GPM6A: variants seen among roughly 807,000 people sequenced by gnomAD.
GPM6A encodes the protein glycoprotein M6A, also known as neuronal membrane glycoprotein M6-a.
GPM6A carries 7 observed loss-of-function variants against 32.1 expected under a neutral mutation model. The observed-to-expected ratio is 0.22, with a 90% confidence interval of 0.12 to 0.41. The LOEUF is 0.41. Ranked by LOEUF, GPM6A falls within the 10% of genes least tolerant of loss-of-function variation. The pLI, the probability that GPM6A is intolerant of heterozygous loss-of-function variation, is 1.00. For missense variants in GPM6A, 235 were observed against 347.2 expected (o/e 0.68, Z 2.57); for synonymous variants, 130 against 123.4 (o/e 1.05, Z -0.35).
chr4:175,997,452 CT>C (rs1183106592), intron 1 of GPM6A, among the ~76,000 whole-genome samples: 1 of 148,602 alleles, frequency 6.7e-6, no homozygotes, highest in African/African-American at 2.5e-5. Context: ...TTAATCTTAT[CT>C]TCTTTACATG....
chr4:175,962,702 C>T (rs1270798304), intron 1 of GPM6A, among the ~76,000 whole-genome samples: 1 of 152,078 alleles, frequency 6.6e-6, no homozygotes, highest in African/African-American at 2.4e-5. Flanking sequence ...CCTAGCCAGA[C>T]AGACCAAAAA....
At chr4:176,002,232 A>G (rs1741508516) in intron 1 of GPM6A, 19 of 1,440,218 alleles carry the variant, frequency 1.3e-5, no homozygotes, top group Non-Finnish European at 1.7e-5. Context: ...GCCGAGGAAC[A>G]TTCATTTTCT....
intron 1 of GPM6A, among the ~76,000 whole-genome samples, chr4:175,975,688 T>C (rs1740636819): frequency 6.6e-6 from 1 of 152,206 alleles, no homozygotes; most frequent in South Asian, 2.1e-4. Context: ...ATTGCACTGA[T>C]TTAGTATTAG....
intron 4 of GPM6A, chr4:175,641,233 A>G: frequency 5.7e-6 from 1 of 176,436 alleles, no homozygotes; most frequent in South Asian, 1.4e-4. Flanking sequence ...TTAATCTCTA[A>G]AAGCATACTG....
intron 1 of GPM6A, among the ~76,000 whole-genome samples, chr4:175,984,051 C>T (rs552262624): frequency 6.6e-6 from 1 of 151,898 alleles, no homozygotes; most frequent in South Asian, 2.1e-4. Flanking sequence ...TCACACACAC[C>T]TGATTTTCTC....
rs543231115 is a variant in GPM6A, at chr4:175,847,569, C to T, written c.-22-35320G>A. Among the ~76,000 whole-genome samples, 5 of 152,202 alleles carry T rather than the reference C, an allele frequency of 3.3e-5. No homozygotes were observed. The South Asian group carries it at 8.3e-4, about 25-fold the overall frequency. On this transcript the variant is annotated intron_variant, in intron 1 of 7. Coordinates refer to the GPM6A transcript ENST00000280187. ...ACAGTATCAGTGCTTGTGTTCAAGT[C>T]ACCCTTATTTTACTTAATAATGACC...
intron 1 of GPM6A, among the ~76,000 whole-genome samples, chr4:175,846,795 G>A (rs1736100516): frequency 6.6e-6 from 1 of 151,956 alleles, no homozygotes; most frequent in African/African-American, 2.4e-5. Context: ...ATTATATTAA[G>A]TACTTTAATA....
At chr4:175,998,356 T>G (rs761371851) in intron 1 of GPM6A, among the ~76,000 whole-genome samples, 8 of 152,180 alleles carry the variant, frequency 5.3e-5, no homozygotes, top group Non-Finnish European at 8.8e-5. Context: ...CTCACTATGT[T>G]GCTCAGGTTG....
At chr4:175,735,235 G>A (rs1411883552) in intron 1 of GPM6A, among the ~76,000 whole-genome samples, 1 of 152,076 alleles carries the variant, frequency 6.6e-6, no homozygotes, top group Non-Finnish European at 1.5e-5. Flanking sequence ...AAATTTTATA[G>A]GAAAGCTAGA....
intron 1 of GPM6A, among the ~76,000 whole-genome samples, chr4:175,876,950 G>T (rs1223101587): frequency 6.6e-6 from 1 of 152,188 alleles, no homozygotes; most frequent in Non-Finnish European, 1.5e-5. Flanking sequence ...TAACAGACAG[G>T]ATTCTGCATA....
chr4:175,779,785 G>T (rs1438885331), intron 1 of GPM6A, among the ~76,000 whole-genome samples: 5 of 152,120 alleles, frequency 3.3e-5, no homozygotes, highest in African/African-American at 9.7e-5. Context: ...TTAGCTAAAA[G>T]GTTAGCACTA....
At chr4:175,873,401 T>C (rs1302089977) in intron 1 of GPM6A, among the ~76,000 whole-genome samples, 2 of 152,146 alleles carry the variant, frequency 1.3e-5, no homozygotes, top group African/African-American at 4.8e-5. Flanking sequence ...TTCTTCTATG[T>C]GTGAATGTTC....
chr4:175,706,248 G>T (rs929607550), intron 1 of GPM6A, among the ~76,000 whole-genome samples: 6 of 152,060 alleles, frequency 3.9e-5, no homozygotes, highest in African/African-American at 1.4e-4. Flanking sequence ...AAGCTGTGAA[G>T]ATATGTTATC....
intron 6 of GPM6A, among the ~76,000 whole-genome samples, chr4:175,636,260 GTATATATATATATATATATATA>G (rs34516159): frequency 1.3e-4 from 13 of 101,320 alleles, no homozygotes; most frequent in Admixed American, 2.9e-4. Flanking sequence ...CATAATCACT[GTATATATATATATATATATATA>G]TATATATATA....
chr4:175,751,457 T>C (rs1179141011), intron 1 of GPM6A, among the ~76,000 whole-genome samples: 1 of 152,202 alleles, frequency 6.6e-6, no homozygotes, highest in Admixed American at 6.5e-5. Flanking sequence ...ATAATTTAAC[T>C]GTATAAACTA....
At position 175,721,704 on chromosome 4, in the gene GPM6A, T is replaced by C. The variant is rs183217996; in HGVS notation, c.38-19937A>G. Among the ~76,000 whole-genome samples, 278 of 152,344 alleles carry C rather than the reference T, an allele frequency of 1.8e-3. 2 individuals are homozygous for C. Among genetic ancestry groups the C allele is most frequent in the Non-Finnish European group, 3.1e-3 (209 of 68,040 alleles). ...GACAATAAATATTCTGTATTCTCGA[T>C]GAAAAACTGTTGACACTTCATGTGG... On this transcript the variant is annotated intron_variant, in intron 1 of 6. Transcript: ENST00000393658.
chr4:175,971,590 C>T (rs913690617), intron 1 of GPM6A, among the ~76,000 whole-genome samples: 4 of 152,162 alleles, frequency 2.6e-5, no homozygotes, highest in Non-Finnish European at 4.4e-5. Context: ...TATTTGGAAG[C>T]GGGCGGCATC....
chr4:175,644,121 G>GTTTTTTT (rs781755092), intron 4 of GPM6A, among the ~76,000 whole-genome samples: 38 of 110,344 alleles, frequency 3.4e-4, no homozygotes, highest in Admixed American at 7.3e-4. Flanking sequence ...TTTTCCGTTT[G>GTTTTTTT]TTTTTTTTTT....
intron 1 of GPM6A, among the ~76,000 whole-genome samples, chr4:175,848,521 T>C (rs1311826392): frequency 6.6e-6 from 1 of 152,166 alleles, no homozygotes; most frequent in Non-Finnish European, 1.5e-5. Flanking sequence ...TTGTAATAGA[T>C]GCCTTTAGTA....
Sources: allele counts gnomAD v4.1 joint callset (sites outside exome capture counted in the v4.1 genomes callset), GRCh38; gene constraint gnomAD v4.1.1; transcripts MANE v1.5; gene names NCBI Gene and HGNC (gene_info 2026-07-23, HGNC 2026-07-21).